DNAH7: variants seen among roughly 807,000 people sequenced by gnomAD.
DNAH7 encodes the protein dynein axonemal heavy chain 7, also known as axonemal beta dynein heavy chain 7.
In DNAH7, 397 loss-of-function variants were observed where a neutral mutation model predicts 444.6. The ratio of observed to expected loss-of-function variants is 0.89; its 90% CI spans 0.82 to 0.97. The LOEUF is 0.97. Ranked by LOEUF, DNAH7 falls within the 50% of genes least tolerant of loss-of-function variation. The pLI, the probability that DNAH7 is intolerant of heterozygous loss-of-function variation, is 0.00. For missense variants in DNAH7, 4,902 were observed against 4,800.8 expected, an observed-to-expected ratio of 1.02 and a Z score of -0.62; for synonymous variants, 1,636 against 1,624.4, an observed-to-expected ratio of 1.01 and a Z score of -0.17.
intron 61 of DNAH7, 142 bp from the exon 62 acceptor site, chr2:195,756,427 A>G: frequency 1.5e-6 from 1 of 672,430 alleles, no homozygotes; most frequent in Non-Finnish European, 2.2e-6. Flanking sequence ...AAAAAAAAAA[A>G]GTGAAGATAT....
chr2:195,890,635 CTCTG>C (rs1701960836), intron 31 of DNAH7, among the ~76,000 whole-genome samples: 1 of 152,158 alleles, frequency 6.6e-6, no homozygotes, highest in Admixed American at 6.5e-5. Flanking sequence ...GGTTCCAGAG[CTCTG>C]TCTGCTTCAC....
At chr2:195,821,640 A>C (rs1317676427) in intron 49 of DNAH7, among the ~76,000 whole-genome samples, 1 of 152,204 alleles carries the variant, frequency 6.6e-6, no homozygotes, top group African/African-American at 2.4e-5. Flanking sequence ...ACCGAAGAGC[A>C]GAACGTATGG....
At chr2:195,795,508 A>G (rs1033859341) in intron 56 of DNAH7, among the ~76,000 whole-genome samples, 3 of 152,184 alleles carry the variant, frequency 2.0e-5, no homozygotes, top group Non-Finnish European at 1.5e-5. Flanking sequence ...GATGACGTAT[A>G]CTCTTGAGAA....
intron 30 of DNAH7, chr2:195,893,448 T>G (rs1702133154): frequency 6.6e-6 from 1 of 152,248 alleles, no homozygotes; most frequent in Admixed American, 6.5e-5. Flanking sequence ...TTAGCCAGGT[T>G]GGTCTCAGTC....
chr2:195,799,737 A>C (rs1696358215), intron 54 of DNAH7, among the ~76,000 whole-genome samples: 1 of 152,208 alleles, frequency 6.6e-6, no homozygotes, highest in Non-Finnish European at 1.5e-5. Context: ...TGAATGTTCA[A>C]GGCATAGTGG....
chr2:195,902,422 G>A (rs1686767072), intron 27 of DNAH7: 1 of 152,020 alleles, frequency 6.6e-6, no homozygotes, highest in Admixed American at 6.6e-5. Context: ...CTATACAGTT[G>A]GTATCTCTTT....
Position 195,936,820 on chromosome 2 carries a change from T to C in DNAH7, c.3079-28A>G, listed in dbSNP as rs764879899. ...AAAAATAAAAATAAAAAACACTCAA[T>C]TCAAAAATATTAGATACTAACTCTA... On this transcript the variant is annotated intron_variant, in intron 19 of 64. Transcript: ENST00000312428. 31 of 1,420,708 alleles carry C rather than the reference T, an allele frequency of 2.2e-5. No homozygotes were observed. The South Asian group carries it at 4.6e-4, about 21-fold the overall frequency. 88.0% of individuals were successfully genotyped at this position (1,420,708 alleles called of 1,614,324 possible).
At chr2:195,760,342 G>A (rs751042359) in intron 61 of DNAH7, among the ~76,000 whole-genome samples, 1 of 151,496 alleles carries the variant, frequency 6.6e-6, no homozygotes, top group African/African-American at 2.4e-5. Context: ...AGGGCCCAGG[G>A]AAACTGACTG....
At chr2:195,850,297 A>AG (rs144885643) in intron 46 of DNAH7, among the ~76,000 whole-genome samples, 10,238 of 150,852 alleles carry the variant, frequency 0.068, 405 homozygotes, top group Middle Eastern at 0.095. Flanking sequence ...AAAAAAAAAA[A>AG]GGGGAGAGAG....
intron 41 of DNAH7, among the ~76,000 whole-genome samples, chr2:195,862,857 G>A (rs1414757850): frequency 6.6e-6 from 1 of 152,168 alleles, no homozygotes; most frequent in Non-Finnish European, 1.5e-5. Context: ...CCAACATGGT[G>A]AAATCCCGTC....
intron 15 of DNAH7, among the ~76,000 whole-genome samples, chr2:195,984,350 A>T (rs1408501882): frequency 2.0e-5 from 3 of 151,690 alleles, no homozygotes; most frequent in Non-Finnish European, 4.4e-5. Flanking sequence ...TATTTATTTT[A>T]TTTATTTATT....
intron 2 of DNAH7, among the ~76,000 whole-genome samples, chr2:196,053,820 G>C (rs992277549): frequency 2.6e-5 from 4 of 152,198 alleles, no homozygotes; most frequent in Admixed American, 1.3e-4. Flanking sequence ...TGTGTGGCTA[G>C]TGAAATGTGA....
At chr2:195,797,324 C>A (rs960738501) in intron 55 of DNAH7, among the ~76,000 whole-genome samples, 1 of 152,124 alleles carries the variant, frequency 6.6e-6, no homozygotes, top group Non-Finnish European at 1.5e-5. Context: ...ACTAGACTGC[C>A]CCTTTAGAAG....
chr2:196,044,543 G>A (rs764387291), intron 5 of DNAH7, among the ~76,000 whole-genome samples: 5 of 152,016 alleles, frequency 3.3e-5, no homozygotes, highest in Non-Finnish European at 7.4e-5. Flanking sequence ...CACCACTAAC[G>A]AATTTACCCA....
intron 17 of DNAH7, among the ~76,000 whole-genome samples, chr2:195,968,576 T>C (rs9989815): frequency 0.057 from 8,681 of 152,100 alleles, 395 homozygotes; most frequent in African/African-American, 0.14. Context: ...TGAGCTACAC[T>C]GCTTAGGGTT....
intron 1 of DNAH7, among the ~76,000 whole-genome samples, chr2:196,062,975 T>C (rs1395213077): frequency 1.3e-5 from 2 of 152,124 alleles, no homozygotes; most frequent in Non-Finnish European, 2.9e-5. Context: ...CTCCACCTCC[T>C]GGGTTCAAGC....
chr2:196,021,492 G>C (rs1017314171), intron 8 of DNAH7, among the ~76,000 whole-genome samples: 1 of 152,016 alleles, frequency 6.6e-6, no homozygotes, highest in African/African-American at 2.4e-5. Flanking sequence ...CTATACTGTA[G>C]TCTATTAAGC....
intron 61 of DNAH7, among the ~76,000 whole-genome samples, chr2:195,765,405 A>G (rs1043600021): frequency 6.6e-6 from 1 of 152,188 alleles, no homozygotes; most frequent in Admixed American, 6.5e-5. Context: ...AAGCTTGTCC[A>G]TAGCAAAAGA....
At position 195,923,639 on chromosome 2, in the gene DNAH7, C is replaced by T; in HGVS notation, c.3781G>A (p.Asp1261Asn). Residue 1261 changes from aspartate (D) to asparagine (N), a missense_variant, in exon 23 of 65, where the codon GAC becomes AAC. Coordinates refer to ENST00000312428, the MANE Select transcript of DNAH7 (RefSeq NM_018897.3). The part of the protein sequence containing the change: ...SSLVKKNISD[D>N]SDFEWLSQLR... ...TGACTTAACCATTCAAAGTCAGAGT[C>T]ATCGCTAATATTTTTTTTTACAAGT... 6.2e-7 allele frequency: 1 copy of T among 1,614,084 alleles called. No individual in the cohort carries two copies. The highest frequency in any genetic ancestry group is 8.5e-7 in the Non-Finnish European group (1 of 1,180,018).
Sources: allele counts gnomAD v4.1 joint callset (sites outside exome capture counted in the v4.1 genomes callset), GRCh38; gene constraint gnomAD v4.1.1; transcripts MANE v1.5; gene names NCBI Gene and HGNC (gene_info 2026-07-23, HGNC 2026-07-21).